Variants in CENPW observed in about 807,000 individuals in gnomAD.
CENPW encodes the protein centromere protein W.
CENPW carries 3 observed loss-of-function variants against 11.1 expected under a neutral mutation model. The observed-to-expected ratio is 0.27, with a 90% CI of 0.12 to 0.70. The LOEUF (loss-of-function observed/expected upper bound fraction) is 0.70, where lower values mean the gene tolerates loss of function less well. Ranked by LOEUF, CENPW falls within the 30% of genes least tolerant of loss-of-function variation. CENPW has a pLI of 0.77. For missense variants in CENPW, 100 were observed against 105.6 expected (o/e 0.95, Z 0.23); for synonymous variants, 38 against 42.0 (o/e 0.91, Z 0.37).
the CENPW span, among the ~76,000 whole-genome samples, chr6:126,433,096 A>G: frequency 4.6e-5 from 7 of 152,190 alleles, no homozygotes; most frequent in Non-Finnish European, 1.0e-4. Context: ...CTCTGTGCCA[A>G]TCATATACAG....
At chr6:126,410,357 T>A in the CENPW span, among the ~76,000 whole-genome samples, 1 of 152,228 alleles carries the variant, frequency 6.6e-6, no homozygotes, top group African/African-American at 2.4e-5. Flanking sequence ...CAGAGAAATC[T>A]GCTGTCAGTC....
At chr6:126,437,113 G>A in the CENPW span, among the ~76,000 whole-genome samples, 1 of 151,506 alleles carries the variant, frequency 6.6e-6, no homozygotes, top group African/African-American at 2.4e-5. Flanking sequence ...CATTGATTAC[G>A]CACAACAGAA....
At chr6:126,350,892 A>G (rs1027117764), downstream of CENPW, among the ~76,000 whole-genome samples, 1 of 152,088 alleles carries the variant, frequency 6.6e-6, no homozygotes, top group African/African-American at 2.4e-5. Context: ...AAGAGAATGT[A>G]AATTTGAAAA....
chr6:126,434,153 A>G, the CENPW span, among the ~76,000 whole-genome samples: 1 of 152,142 alleles, frequency 6.6e-6, no homozygotes, highest in Non-Finnish European at 1.5e-5. Flanking sequence ...GGAAATTCAC[A>G]TTTGGATTTC....
the CENPW span, among the ~76,000 whole-genome samples, chr6:126,435,218 A>G: frequency 4.6e-5 from 7 of 151,806 alleles, no homozygotes; most frequent in Non-Finnish European, 8.8e-5. Context: ...CCTCTTTTTA[A>G]TAGTTATTTC....
chr6:126,360,004 T>C, the CENPW span, among the ~76,000 whole-genome samples: 1 of 152,172 alleles, frequency 6.6e-6, no homozygotes, highest in Non-Finnish European at 1.5e-5. Flanking sequence ...CTTGATTGTG[T>C]AGGTGCTTTA....
At chr6:126,367,856 T>A in the CENPW span, among the ~76,000 whole-genome samples, 12 of 152,106 alleles carry the variant, frequency 7.9e-5, no homozygotes, top group African/African-American at 2.7e-4. Context: ...GAAAAAAAAA[T>A]TACATAAAGT....
At chr6:126,444,145 G>C in the CENPW span, among the ~76,000 whole-genome samples, 1 of 148,854 alleles carries the variant, frequency 6.7e-6, no homozygotes, top group African/African-American at 2.5e-5. Context: ...ATTTTTACTA[G>C]AACATGTTTC....
the CENPW span, among the ~76,000 whole-genome samples, chr6:126,385,425 T>A: frequency 6.6e-6 from 1 of 152,150 alleles, no homozygotes; most frequent in Non-Finnish European, 1.5e-5. Flanking sequence ...TATGCAGTCA[T>A]AAAAAAGAAC....
the CENPW span, among the ~76,000 whole-genome samples, chr6:126,358,336 A>G: frequency 2.0e-5 from 3 of 152,072 alleles, no homozygotes; most frequent in Non-Finnish European, 2.9e-5. Context: ...GATGTTGGCT[A>G]TGGGTTTGTC....
the CENPW span, among the ~76,000 whole-genome samples, chr6:126,464,240 T>C: frequency 2.0e-5 from 3 of 152,084 alleles, no homozygotes; most frequent in African/African-American, 7.2e-5. Flanking sequence ...CAATAGGTGA[T>C]GAAAAAGCAG....
chr6:126,343,734 G>T (rs1780355980), intron 1 of CENPW, among the ~76,000 whole-genome samples: 1 of 152,222 alleles, frequency 6.6e-6, no homozygotes, highest in African/African-American at 2.4e-5. Context: ...AGCAAGTCAA[G>T]TACTTTCACA....
chr6:126,369,899 T>C, the CENPW span, among the ~76,000 whole-genome samples: 5 of 152,356 alleles, frequency 3.3e-5, no homozygotes, highest in South Asian at 1.0e-3. Context: ...AGAATTTTTA[T>C]GGTTTCTGGT....
the CENPW span, among the ~76,000 whole-genome samples, chr6:126,411,049 G>A: frequency 6.6e-6 from 1 of 151,934 alleles, no homozygotes. Context: ...TAGATCCTTG[G>A]TTTTTCATAT....
At chr6:126,437,964 A>T in the CENPW span, among the ~76,000 whole-genome samples, 4 of 151,790 alleles carry the variant, frequency 2.6e-5, no homozygotes, top group Non-Finnish European at 5.9e-5. Context: ...CTAAAATATA[A>T]AAACACTTTT....
the CENPW span, among the ~76,000 whole-genome samples, chr6:126,360,370 A>G: frequency 6.6e-6 from 1 of 151,960 alleles, no homozygotes; most frequent in Non-Finnish European, 1.5e-5. Context: ...TTTCTTTCTC[A>G]TTGACCTTGG....
the CENPW span, among the ~76,000 whole-genome samples, chr6:126,444,053 CT>C: frequency 1.4e-3 from 193 of 135,352 alleles, no homozygotes; most frequent in Non-Finnish European, 1.6e-3. Context: ...TCAATCAGGT[CT>C]TTTTTTTTTT....
At chr6:126,345,825 T>C (rs1189947117) in intron 1 of CENPW, among the ~76,000 whole-genome samples, 2 of 152,156 alleles carry the variant, frequency 1.3e-5, no homozygotes, top group Non-Finnish European at 2.9e-5. Flanking sequence ...AATGTAGTTG[T>C]TGATATGTTT....
the CENPW span, among the ~76,000 whole-genome samples, chr6:126,425,492 T>C: frequency 1.3e-5 from 2 of 152,144 alleles, no homozygotes; most frequent in African/African-American, 4.8e-5. Flanking sequence ...GAGTTTGAGC[T>C]GAGTAGTAGA....
Sources: gnomAD v4.1 joint callset for allele counts (sites outside exome capture counted in the v4.1 genomes callset) on GRCh38, gnomAD v4.1.1 for gene constraint, MANE v1.5 for transcripts, NCBI Gene and HGNC (gene_info 2026-07-23, HGNC 2026-07-21) for gene names.